The following ECHS1 variants were observed in gnomAD, a reference collection of about 807,000 sequenced individuals.
The protein encoded by ECHS1 is enoyl-CoA hydratase, short chain 1.
A neutral mutation model predicts 33.5 loss-of-function variants in ECHS1; 19 were observed. That is an observed-to-expected ratio of 0.57 (90% CI 0.40 to 0.83). The LOEUF (loss-of-function observed/expected upper bound fraction) is 0.83. Among genes scored for constraint, ECHS1 ranks in the 40% least tolerant of loss-of-function variants. The probability of loss-of-function intolerance (pLI) is 0.00; values close to 1 mark genes in which losing one functional copy is unlikely to be tolerated. For synonymous variants in ECHS1, 158 were observed against 146.6 expected (o/e 1.08, Z -0.56); for missense variants, 365 against 381.3 (o/e 0.96, Z 0.36).
chr10:133,365,171 A>T (rs1252250441), intron 6 of ECHS1, among the ~76,000 whole-genome samples: 1 of 152,262 alleles, frequency 6.6e-6, no homozygotes, highest in African/African-American at 2.4e-5. Flanking sequence ...GAGGCCAAGC[A>T]GAGCAGATCC....
At chr10:133,367,471 G>A (rs1011546610) in intron 4 of ECHS1, among the ~76,000 whole-genome samples, 1 of 151,654 alleles carries the variant, frequency 6.6e-6, no homozygotes, top group Non-Finnish European at 1.5e-5. Flanking sequence ...GGCAAGAGGT[G>A]AGCCTTCTGT....
chr10:133,362,641 C>G lies in ECHS1; in HGVS notation c.*227G>C. On this transcript the variant is annotated 3_prime_UTR_variant, in exon 8 of 8. Coordinates refer to ENST00000368547, the MANE Select transcript of ECHS1 (RefSeq NM_004092.4). ...ATGCCCAGAGGGACCAGCGGGGGCT[C>G]CTCAGCAGAATCTTAGATTTAGAAG... is the stretch of plus-strand genomic sequence containing the variant. The G allele has an allele frequency of 1.7e-6, 1 of 581,682 alleles. No homozygotes were observed. The highest frequency in any genetic ancestry group is 2.0e-5 in the South Asian group (1 of 50,068). The allele number at this position is 581,682 out of a possible 1,614,324, so 36.0% of individuals were successfully genotyped here. A position where few individuals can be genotyped will look rare whatever the true frequency, so the allele number is the denominator to read the frequency against.
intron 4 of ECHS1, among the ~76,000 whole-genome samples, chr10:133,368,112 A>G (rs1485244269): frequency 6.6e-6 from 1 of 152,084 alleles, no homozygotes; most frequent in Admixed American, 6.5e-5. Context: ...GTCTCCGCAC[A>G]TGGGGAGAAC....
At position 133,366,971 on chromosome 10, in the gene ECHS1, G is replaced by T; in HGVS notation, c.537C>A (p.Leu179=). 1 of 1,612,326 alleles carries T rather than the reference G, an allele frequency of 6.2e-7. No individual in the cohort carries two copies. Residue 179 remains leucine, a synonymous_variant, in exon 5 of 8, where the codon CTC becomes CTA. Coordinates refer to ENST00000368547, the MANE Select transcript of ECHS1 (RefSeq NM_004092.4). ...TIPGAGGTQR[L]TRAVGKSLAM... is the part of the protein sequence containing the mutation. ...CCAGCGACTTCCCAACAGCACGGGT[G>T]AGTCTCTGGGTGCCGCCCGCACCTG...
intron 4 of ECHS1, among the ~76,000 whole-genome samples, chr10:133,367,758 G>A (rs1589881453): frequency 1.3e-5 from 2 of 151,506 alleles, no homozygotes; most frequent in African/African-American, 4.8e-5. Flanking sequence ...TTTGAAGTTC[G>A]TAGCAGATAG....
intron 7 of ECHS1, among the ~76,000 whole-genome samples, chr10:133,364,243 C>T (rs1051229912): frequency 6.6e-6 from 1 of 152,068 alleles, no homozygotes; most frequent in African/African-American, 2.4e-5. Context: ...CGCGCCCGGC[C>T]TCATTTTTTA....
At chr10:133,366,813 G>T in intron 5 of ECHS1, 76 bp downstream of exon 5, 1 of 1,197,958 alleles carries the variant, frequency 8.3e-7, no homozygotes. Flanking sequence ...GGGGACACCT[G>T]GATGCCGCCC....
intron 3 of ECHS1, among the ~76,000 whole-genome samples, 180 bp downstream of exon 3, chr10:133,369,724 G>A (rs1486011241): frequency 6.6e-6 from 1 of 152,180 alleles, no homozygotes; most frequent in Non-Finnish European, 1.5e-5. Context: ...CACGAAAAAA[G>A]CAGATGCCAG....
At chr10:133,369,871 CGA>C (rs1564804939) in intron 3 of ECHS1, 31 bp downstream of exon 3, 2 of 1,610,422 alleles carry the variant, frequency 1.2e-6, no homozygotes, top group East Asian at 2.2e-5. Context: ...CCTTCAACCA[CGA>C]GAGGAGGAGA....
intron 1 of ECHS1, among the ~76,000 whole-genome samples, chr10:133,372,944 G>C (rs1440704259): frequency 1.6e-5 from 1 of 61,006 alleles, no homozygotes; most frequent in Non-Finnish European, 3.3e-5. Context: ...AGGCCGGGGG[G>C]TGCGGGGTCA....
chr10:133,369,903 C>G lies in ECHS1; in HGVS notation c.414+1G>C. The G allele has an allele frequency of 6.2e-7, 1 of 1,613,356 alleles. No homozygotes were observed. The highest frequency in any genetic ancestry group is 8.5e-7 in the Non-Finnish European group (1 of 1,179,900). On this transcript the variant is annotated splice_donor_variant, in intron 3 of 7. Transcript: ENST00000368547. LOFTEE classifies it high-confidence loss of function. ...AGGAGACTCTTGGCAGCAACACTCACGGCATAGCCATTGACAGCAGCGATG... is the reference window on the plus strand; with the variant it reads ...AGGAGACTCTTGGCAGCAACACTCAGGGCATAGCCATTGACAGCAGCGATG...
chr10:133,363,070 C>A (rs923304267), intron 7 of ECHS1, 137 bp from the exon 8 acceptor site: 6 of 942,312 alleles, frequency 6.4e-6, no homozygotes, highest in Non-Finnish European at 8.3e-6. Flanking sequence ...GGGGACTCAG[C>A]GGCAGGAACA....
rs7100433 is a variant in ECHS1 at position 133,370,298 on chromosome 10, T to C, written c.286+262A>G. ...GCATATTTGTCAGGGCATAAGCCCTTGACACACACAAAGCCTGACTGCCAA... is the reference window on the plus strand; with the variant it reads ...GCATATTTGTCAGGGCATAAGCCCTCGACACACACAAAGCCTGACTGCCAA... On this transcript the variant is annotated intron_variant, in intron 2 of 7. Transcript: ENST00000368547. Among the ~76,000 whole-genome samples the C allele has an allele frequency of 0.98, 149,662 of 152,376 alleles. 73,545 individuals are homozygous for C. Among genetic ancestry groups the C allele is most frequent in the Middle Eastern group, 1 (294 of 294 alleles).
chr10:133,367,874 G>GA (rs970619037), intron 4 of ECHS1, among the ~76,000 whole-genome samples: 8 of 152,130 alleles, frequency 5.3e-5, no homozygotes, highest in African/African-American at 9.7e-5. Context: ...GGCTACCTAA[G>GA]AGGGAAGGGC....
intron 4 of ECHS1, 112 bp downstream of exon 4, chr10:133,368,810 TG>T: frequency 2.0e-6 from 2 of 981,914 alleles, no homozygotes; most frequent in Non-Finnish European, 3.1e-6. Context: ...TGACCAGCCA[TG>T]GGGCTGTCCA....
At chr10:133,364,257 A>G (rs1456236392) in intron 7 of ECHS1, among the ~76,000 whole-genome samples, 1 of 152,024 alleles carries the variant, frequency 6.6e-6, no homozygotes, top group Non-Finnish European at 1.5e-5. Context: ...TTTTTTAAAA[A>G]AGTCTTTTTT....
intron 1 of ECHS1, among the ~76,000 whole-genome samples, chr10:133,372,922 G>C (rs1849130109): frequency 1.1e-5 from 1 of 92,988 alleles, no homozygotes; most frequent in South Asian, 4.4e-4. Flanking sequence ...GACGGAAGAG[G>C]GGTGCGGGGT....
In ECHS1 at chr10:133,373,300, G is replaced by T. The variant is rs771935232; in HGVS notation, c.34C>A (p.Arg12Ser). The stretch of plus-strand genomic sequence containing the variant: ...CGAACCGGGGGCCTCAGCGGGCCGC[G>T]GACGCAGGACAGCAGGACACGCAGG... ...AALRVLLSCV[R>S]GPLRPPVRCP... Residue 12 changes from arginine (R) to serine (S), a missense_variant, in exon 1 of 8, where the codon CGC becomes AGC. Physicochemically the swap from Arg to Ser is moderately radical, Grantham distance 110. Transcript: ENST00000368547. 5.4e-6 allele frequency: 8 copies of T among 1,489,856 alleles called. No homozygotes were observed. Among genetic ancestry groups the T allele is most frequent in the Non-Finnish European group, 7.1e-6 (8 of 1,126,052 alleles). The allele number at this position is 1,489,856 out of a possible 1,614,324, so 92.3% of individuals were successfully genotyped here.
At chr10:133,370,443 T>C in intron 2 of ECHS1, 117 bp downstream of exon 2, 1 of 1,129,030 alleles carries the variant, frequency 8.9e-7, no homozygotes, top group Non-Finnish European at 1.2e-6. Flanking sequence ...TTTGAGGAAG[T>C]CCCCAGTCGC....
Sources: gnomAD v4.1 joint callset for allele counts (sites outside exome capture counted in the v4.1 genomes callset) on GRCh38, gnomAD v4.1.1 for gene constraint, MANE v1.5 for transcripts, NCBI Gene and HGNC (gene_info 2026-07-23, HGNC 2026-07-21) for gene names.